LYPD1: variants seen among roughly 807,000 people sequenced by gnomAD.
LYPD1 encodes the protein LY6/PLAUR domain containing 1.
In LYPD1, 14 loss-of-function variants were observed where a neutral mutation model predicts 14.2. That is an observed-to-expected ratio of 0.99 (90% CI 0.65 to 1.54). The LOEUF is 1.54. Ranked by LOEUF, LYPD1 falls within the 40% of genes most tolerant of loss-of-function variation. The pLI is 0.00. For missense variants in LYPD1, 165 were observed against 175.7 expected, an observed-to-expected ratio of 0.94 and a Z score of 0.34; for synonymous variants, 85 against 70.6, an observed-to-expected ratio of 1.20 and a Z score of -1.02.
chr2:132,645,524 G>A lies in LYPD1; in HGVS notation c.*521C>T. The A allele has an allele frequency of 1.2e-6, 2 of 1,614,180 alleles. No individual in the cohort carries two copies. Among genetic ancestry groups the A allele is most frequent in the Non-Finnish European group, 1.7e-6 (2 of 1,180,028 alleles). ...CCCCAGTCTAAGTCCCAGTCATTGAGTCTCGAGTCACTAGAGCCCAACTCA... is the reference window on the plus strand; with the variant it reads ...CCCCAGTCTAAGTCCCAGTCATTGAATCTCGAGTCACTAGAGCCCAACTCA... On this transcript the variant is annotated 3_prime_UTR_variant, in exon 3 of 3. Transcript: ENST00000397463.
In LYPD1 at chr2:132,669,701, C is replaced by T; in HGVS notation, c.52+180G>A. On this transcript the variant is annotated intron_variant, in intron 1 of 2. Transcript: ENST00000397463. The surrounding 1 kb of genome is among the most constrained non-coding windows in gnomAD (Gnocchi z 4.3). ...GCCGCTCCCCGCTCTCCTCCTGCAG[C>T]GCGGGACTTGGACACTTTCCCAGCC... The T allele has an allele frequency of 7.8e-7, 1 of 1,284,520 alleles. No individual in the cohort carries two copies. Among genetic ancestry groups the T allele is most frequent in the Non-Finnish European group, 1.0e-6 (1 of 971,752 alleles). 79.6% of individuals were successfully genotyped at this position (1,284,520 alleles called of 1,614,324 possible).
Position 132,643,958 on chromosome 2 carries a change from G to C in LYPD1, c.*2087C>G, listed in dbSNP as rs565022664. ...TTCTTACTACGATTGAAATGTAGGA[G>C]AGGAAGGAAGCATTTCTGAAAATGC... is the stretch of plus-strand genomic sequence containing the variant. On this transcript the variant is annotated 3_prime_UTR_variant, in exon 3 of 3. Coordinates refer to ENST00000397463, the MANE Select transcript of LYPD1 (RefSeq NM_144586.7). 4.6e-5 allele frequency among the ~76,000 whole-genome samples: 7 copies of C among 152,346 alleles called. No individual in the cohort carries two copies. Among genetic ancestry groups the C allele is most frequent in the African/African-American group, 1.7e-4 (7 of 41,570 alleles).
intron 2 of LYPD1, among the ~76,000 whole-genome samples, chr2:132,656,865 T>C (rs992248033): frequency 6.6e-6 from 1 of 152,198 alleles, no homozygotes. Context: ...AGTTCCACAC[T>C]GCATATCCAT....
rs1300248503 is a variant in LYPD1 at position 132,645,574 on chromosome 2, G to A, written c.*471C>T. 6.2e-7 allele frequency: 1 copy of A among 1,613,790 alleles called. No individual in the cohort carries two copies. Among genetic ancestry groups the A allele is most frequent in the Non-Finnish European group, 8.5e-7 (1 of 1,179,950 alleles). On this transcript the variant is annotated 3_prime_UTR_variant, in exon 3 of 3. Coordinates refer to ENST00000397463, the MANE Select transcript of LYPD1 (RefSeq NM_144586.7). ...AGGCGCGAAACCAGCCAATTCTGCTGCAGAGAATGGTTTTCAGGAGCATGA... is the reference window on the plus strand; with the variant it reads ...AGGCGCGAAACCAGCCAATTCTGCTACAGAGAATGGTTTTCAGGAGCATGA...
Position 132,645,004 on chromosome 2 carries a change from C to CA in LYPD1, c.*1040dup. The CA allele has an allele frequency of 2.1e-6, 3 of 1,401,890 alleles. No individual in the cohort carries two copies. Among genetic ancestry groups the CA allele is most frequent in the Non-Finnish European group, 2.9e-6 (3 of 1,033,290 alleles). The allele number at this position is 1,401,890 out of a possible 1,614,324, so 86.8% of individuals were successfully genotyped here. A position where few individuals can be genotyped will look rare whatever the true frequency, so the allele number is the denominator to read the frequency against. On this transcript the variant is annotated 3_prime_UTR_variant, in exon 3 of 3. Transcript: ENST00000397463. ...CATTTCCTGGCCAGTAAGCACAGAA[C>CA]AGAGGGGCTAAATATTTTATGGTTT...
rs771167911 is a variant in LYPD1 at position 132,645,407 on chromosome 2, T to G, written c.*638A>C. 4 of 1,613,438 alleles carry G rather than the reference T, an allele frequency of 2.5e-6. No homozygotes were observed. Among genetic ancestry groups the G allele is most frequent in the Admixed American group, 3.3e-5 (2 of 59,998 alleles). On this transcript the variant is annotated 3_prime_UTR_variant, in exon 3 of 3. Coordinates refer to ENST00000397463, the MANE Select transcript of LYPD1 (RefSeq NM_144586.7). ...TCCACCACCGACAGCGCCCGCTTTG[T>G]GCAGCGCCCGTTGCTCTTCGCGTCC...
At chr2:132,652,944 G>C (rs2104904671) in intron 2 of LYPD1, among the ~76,000 whole-genome samples, 1 of 152,310 alleles carries the variant, frequency 6.6e-6, no homozygotes, top group South Asian at 2.1e-4. Context: ...ACAAAATACT[G>C]AGGTTACTTC....
chr2:132,670,748 C>G (rs2104936088), upstream of LYPD1, among the ~76,000 whole-genome samples: 1 of 152,162 alleles, frequency 6.6e-6, no homozygotes, highest in Middle Eastern at 3.4e-3. This position sits in a 1 kb window ranked among gnomAD's most constrained non-coding sequence, Gnocchi z 4.5. Flanking sequence ...TGCAGCTGTG[C>G]CCCCTCTTCC....
intron 2 of LYPD1, among the ~76,000 whole-genome samples, chr2:132,664,635 T>C (rs1030885039): frequency 1.3e-5 from 2 of 152,210 alleles, no homozygotes; most frequent in South Asian, 2.1e-4. Context: ...TTAAATAAGG[T>C]TTAGGAGAAC....
In LYPD1 at chr2:132,670,205, G is replaced by T; in HGVS notation, c.-273C>A. On this transcript the variant is annotated 5_prime_UTR_variant, in exon 1 of 3. Transcript: ENST00000397463. The surrounding 1 kb of genome is among the most constrained non-coding windows in gnomAD (Gnocchi z 4.5). ...CCGGAGTTGGCGGCTGAGACTGAAG[G>T]AACTACTGGCGATCGGGAGCACCCA... is the stretch of plus-strand genomic sequence containing the variant. 1 of 1,076,552 alleles carries T rather than the reference G, an allele frequency of 9.3e-7. No individual in the cohort carries two copies. The highest frequency in any genetic ancestry group is 1.2e-6 in the Non-Finnish European group (1 of 825,216). The allele number at this position is 1,076,552 out of a possible 1,614,324, so 66.7% of individuals were successfully genotyped here. A position where few individuals can be genotyped will look rare whatever the true frequency, so the allele number is the denominator to read the frequency against.
rs1683586162 is a variant in LYPD1 at position 132,670,101 on chromosome 2, C to G, written c.-169G>C. ...GGAGCCGCAGGTGCCGCTCGCGGAG[C>G]CTGCATCGCCCGCGCTCGGGCTCCC... On this transcript the variant is annotated 5_prime_UTR_variant, in exon 1 of 3. Coordinates refer to ENST00000397463, the MANE Select transcript of LYPD1 (RefSeq NM_144586.7). The surrounding 1 kb of genome is among the most constrained non-coding windows in gnomAD (Gnocchi z 4.5). 8 of 1,443,112 alleles carry G rather than the reference C, an allele frequency of 5.5e-6. No homozygotes were observed. The highest frequency in any genetic ancestry group is 6.3e-6 in the Non-Finnish European group (7 of 1,107,490). 89.4% of individuals were successfully genotyped at this position (1,443,112 alleles called of 1,614,324 possible).
chr2:132,670,279 C>G, upstream of LYPD1: 1 of 298,362 alleles, frequency 3.4e-6, no homozygotes, highest in Non-Finnish European at 5.9e-6. This position sits in a 1 kb window ranked among gnomAD's most constrained non-coding sequence, Gnocchi z 4.5. Context: ...CATCACGTGA[C>G]GGCTGCCGAG....
At position 132,644,998 on chromosome 2, in the gene LYPD1, A is replaced by AATGGC; in HGVS notation, c.*1046_*1047insGCCAT. ...TGGTACCATTTCCTGGCCAGTAAGC[A>AATGGC]CAGAACAGAGGGGCTAAATATTTTA... On this transcript the variant is annotated 3_prime_UTR_variant, in exon 3 of 3. Coordinates refer to ENST00000397463, the MANE Select transcript of LYPD1 (RefSeq NM_144586.7). 1 of 1,348,352 alleles carries AATGGC rather than the reference A, an allele frequency of 7.4e-7. No individual in the cohort carries two copies. Among genetic ancestry groups the AATGGC allele is most frequent in the Non-Finnish European group, 1.0e-6 (1 of 993,706 alleles). The allele number at this position is 1,348,352 out of a possible 1,614,324, so 83.5% of individuals were successfully genotyped here. A position where few individuals can be genotyped will look rare whatever the true frequency, so the allele number is the denominator to read the frequency against.
At chr2:132,661,558 AAAAAC>A (rs796830945) in intron 2 of LYPD1, among the ~76,000 whole-genome samples, 1 of 151,940 alleles carries the variant, frequency 6.6e-6, no homozygotes, top group African/African-American at 2.4e-5. Flanking sequence ...CTATGGAATA[AAAAAC>A]AAAACAAAAC....
chr2:132,646,312 C>T (rs755813417), intron 2 of LYPD1, 32 bp from the exon 3 acceptor site: 17 of 1,373,850 alleles, frequency 1.2e-5, no homozygotes, highest in Admixed American at 2.9e-5. Context: ...GCTGAGTTAA[C>T]GTGCACCGGC....
chr2:132,655,834 A>T (rs758130977), intron 2 of LYPD1, among the ~76,000 whole-genome samples: 1 of 152,058 alleles, frequency 6.6e-6, no homozygotes, highest in Admixed American at 6.6e-5. Flanking sequence ...TTCTAAACTA[A>T]TCTTCTCCTA....
rs2104889983 is a variant in LYPD1, at chr2:132,646,272, A to G, written c.199T>C (p.Tyr67His). ...GCTGATGATGCACAGGACTTGCGGT[A>G]CATGATCCCTGTAACACAGACCCAA... ...EVMEQSAGIMYRKSCASSAAC... is the reference protein window; with the variant it reads ...EVMEQSAGIMHRKSCASSAAC... Residue 67 changes from tyrosine to histidine, a missense_variant, in exon 3 of 3, where the codon TAC becomes CAC. Transcript: ENST00000397463. 6.5e-7 allele frequency: 1 copy of G among 1,543,698 alleles called. No individual in the cohort carries two copies. Among genetic ancestry groups the G allele is most frequent in the East Asian group, 2.3e-5 (1 of 43,384 alleles).
At position 132,645,157 on chromosome 2, in the gene LYPD1, A is replaced by G. The variant is rs1454667256; in HGVS notation, c.*888T>C. The G allele has an allele frequency of 6.2e-7, 1 of 1,614,154 alleles. No individual in the cohort carries two copies. The highest frequency in any genetic ancestry group is 1.1e-5 in the South Asian group (1 of 91,066). ...GATGCCCAACCAGATTCGGAGGATC[A>G]TGGCTGCGGCCAAACCCAAGCACGA... On this transcript the variant is annotated 3_prime_UTR_variant, in exon 3 of 3. Coordinates refer to ENST00000397463, the MANE Select transcript of LYPD1 (RefSeq NM_144586.7).
chr2:132,656,938 G>A (rs1303262109), intron 2 of LYPD1, among the ~76,000 whole-genome samples: 1 of 152,150 alleles, frequency 6.6e-6, no homozygotes, highest in Non-Finnish European at 1.5e-5. Context: ...ATATTAAGGG[G>A]CTGCAATGAT....
Sources: allele counts gnomAD v4.1 joint callset (sites outside exome capture counted in the v4.1 genomes callset), GRCh38; gene constraint gnomAD v4.1.1; non-coding constraint Gnocchi (gnomAD v3.1); transcripts MANE v1.5; gene names NCBI Gene and HGNC (gene_info 2026-07-23, HGNC 2026-07-21).